The following MAN1A1 variants were observed in gnomAD, a reference collection of about 807,000 sequenced individuals.
MAN1A1 encodes the protein mannosidase alpha class 1A member 1, also known as mannosyl-oligosaccharide 1,2-alpha-mannosidase IA.
Under a neutral mutation model 70.8 loss-of-function variants are expected in MAN1A1, and 29 were observed. The observed-to-expected ratio is 0.41, with a 90% CI of 0.31 to 0.56. MAN1A1 has a LOEUF of 0.56. Ranked by LOEUF, MAN1A1 falls within the 20% of genes least tolerant of loss-of-function variation. The pLI is 0.29. For missense variants in MAN1A1, 747 were observed against 841.3 expected (o/e 0.89, Z 1.39); for synonymous variants, 349 against 330.1 (o/e 1.06, Z -0.62).
chr6:119,200,484 T>C (rs1386054210), intron 8 of MAN1A1, among the ~76,000 whole-genome samples: 4 of 152,186 alleles, frequency 2.6e-5, no homozygotes, highest in African/African-American at 9.7e-5. Flanking sequence ...AAGAACATGA[T>C]ATTAAAATAT....
intron 6 of MAN1A1, among the ~76,000 whole-genome samples, chr6:119,247,093 A>G (rs1582732813): frequency 2.6e-5 from 4 of 152,308 alleles, no homozygotes; most frequent in Middle Eastern, 3.4e-3. Context: ...TTAAAGGAAA[A>G]ATAAAATAAA....
At chr6:119,258,856 GAGTTTTCCATT>G (rs1300655520) in intron 5 of MAN1A1, among the ~76,000 whole-genome samples, 1 of 152,086 alleles carries the variant, frequency 6.6e-6, no homozygotes, top group African/African-American at 2.4e-5. Flanking sequence ...CTAGGTGATG[GAGTTTTCCATT>G]ATCACTTGAA....
chr6:119,190,210 G>C (rs531566160), intron 9 of MAN1A1, among the ~76,000 whole-genome samples: 1 of 152,294 alleles, frequency 6.6e-6, no homozygotes, highest in East Asian at 1.9e-4. Context: ...TAGTTGGTTT[G>C]GTACATTTTC....
At chr6:119,180,484 A>T in intron 11 of MAN1A1, 57 bp from the exon 12 acceptor site, 1 of 890,940 alleles carries the variant, frequency 1.1e-6, no homozygotes, top group Non-Finnish European at 1.8e-6. Flanking sequence ...ATTGTCACTA[A>T]TTTTTATTAT....
At position 119,302,897 on chromosome 6, in the gene MAN1A1, C is replaced by G. The variant is rs1238537590; in HGVS notation, c.701-794G>C. On this transcript the variant is annotated intron_variant, in intron 3 of 12. Coordinates refer to ENST00000368468, the MANE Select transcript of MAN1A1 (RefSeq NM_005907.4). ...GATGCTAACTACCCTCCATCCCCTA[C>G]AAGTCCTGACCTCTGTGGTTTATTT... Among the ~76,000 whole-genome samples, 5 of 152,356 alleles carry G rather than the reference C, an allele frequency of 3.3e-5. No homozygotes were observed. The East Asian group carries it at 9.6e-4, about 29-fold the overall frequency.
intron 5 of MAN1A1, among the ~76,000 whole-genome samples, chr6:119,261,711 T>C (rs190508255): frequency 1.3e-5 from 2 of 152,282 alleles, no homozygotes; most frequent in South Asian, 2.1e-4. Flanking sequence ...AGAAAGTTCA[T>C]GGAAGTGTTT....
intron 2 of MAN1A1, among the ~76,000 whole-genome samples, chr6:119,319,914 C>T (rs1289758378): frequency 3.3e-5 from 5 of 151,802 alleles, no homozygotes; most frequent in Non-Finnish European, 5.9e-5. Flanking sequence ...TGCAGATATG[C>T]TGTCGCAGTG....
intron 6 of MAN1A1, among the ~76,000 whole-genome samples, chr6:119,225,145 A>AT (rs1240406353): frequency 6.6e-6 from 1 of 152,134 alleles, no homozygotes; most frequent in East Asian, 1.9e-4. Context: ...CTCTGTCTCA[A>AT]TAAAAAAAAA....
intron 8 of MAN1A1, among the ~76,000 whole-genome samples, chr6:119,200,990 A>G (rs971051348): frequency 6.6e-6 from 1 of 152,120 alleles, no homozygotes; most frequent in Non-Finnish European, 1.5e-5. Context: ...ACATCCCCAC[A>G]CTACTCTGGC....
At chr6:119,333,665 A>C (rs1488019711) in intron 2 of MAN1A1, among the ~76,000 whole-genome samples, 1 of 152,262 alleles carries the variant, frequency 6.6e-6, no homozygotes, top group Non-Finnish European at 1.5e-5. Context: ...CTATTACCAG[A>C]TCAGTCAAAA....
chr6:119,306,330 C>T (rs1772523630), intron 3 of MAN1A1, among the ~76,000 whole-genome samples: 1 of 152,088 alleles, frequency 6.6e-6, no homozygotes, highest in Admixed American at 6.6e-5. Context: ...TTATTAATAC[C>T]CACACTACCA....
chr6:119,191,160 T>C (rs1218772456), intron 9 of MAN1A1, among the ~76,000 whole-genome samples: 1 of 152,194 alleles, frequency 6.6e-6, no homozygotes, highest in Non-Finnish European at 1.5e-5. Context: ...ATGTTATTGA[T>C]GGTTTAGTTA....
intron 4 of MAN1A1, among the ~76,000 whole-genome samples, chr6:119,301,222 A>C (rs902471786): frequency 2.6e-5 from 4 of 152,232 alleles, no homozygotes; most frequent in African/African-American, 9.6e-5. Flanking sequence ...GAACGACTAA[A>C]AACTTCCATG....
At position 119,306,909 on chromosome 6, in the gene MAN1A1, T is replaced by C; in HGVS notation, c.687A>G (p.Ser229=). ...ELKPISKGGH[S]SSLFGNIKGA... ...ACATCTACTCACCAAACAAACTGCT[T>C]GAATGGCCTCCTTTTGATATAGGTT... is the stretch of plus-strand genomic sequence containing the variant. Residue 229 remains serine, a synonymous_variant, in exon 3 of 13, where the codon TCA becomes TCG. Transcript: ENST00000368468. The C allele has an allele frequency of 6.3e-7, 1 of 1,586,148 alleles. No individual in the cohort carries two copies. The highest frequency in any genetic ancestry group is 8.7e-7 in the Non-Finnish European group (1 of 1,154,960).
In MAN1A1 at chr6:119,348,796, G is replaced by A. The variant is rs1040239021; in HGVS notation, c.270C>T (p.Pro90=). ...LQPAADHKPG[P]GARAEDAAEG... ...CGGCCGCGTCCTCGGCGCGCGCCCCGGGCCCGGGCTTGTGGTCGGCGGCCG... is the reference window on the plus strand; with the variant it reads ...CGGCCGCGTCCTCGGCGCGCGCCCCAGGCCCGGGCTTGTGGTCGGCGGCCG... The change falls in exon 2 of 13, where the codon CCC becomes CCT. Residue 90 remains proline (P), a synonymous_variant. Coordinates refer to ENST00000368468, the MANE Select transcript of MAN1A1 (RefSeq NM_005907.4). The A allele has an allele frequency of 4.2e-6, 6 of 1,425,850 alleles. No homozygotes were observed. Among genetic ancestry groups the A allele is most frequent in the African/African-American group, 3.0e-5 (2 of 67,548 alleles). 88.3% of individuals were successfully genotyped at this position (1,425,850 alleles called of 1,614,324 possible).
chr6:119,244,832 G>A (rs890219492), intron 6 of MAN1A1, among the ~76,000 whole-genome samples: 2 of 152,150 alleles, frequency 1.3e-5, no homozygotes, highest in African/African-American at 4.8e-5. Context: ...CAGGCTGTGA[G>A]TCCCCTGAGG....
chr6:119,230,577 A>G (rs1294466376), intron 6 of MAN1A1, among the ~76,000 whole-genome samples: 1 of 152,210 alleles, frequency 6.6e-6, no homozygotes, highest in Non-Finnish European at 1.5e-5. Flanking sequence ...TCCCAGCTCA[A>G]AAATGACTTC....
chr6:119,229,868 G>A (rs1260735062), intron 6 of MAN1A1, among the ~76,000 whole-genome samples: 2 of 152,160 alleles, frequency 1.3e-5, no homozygotes, highest in African/African-American at 2.4e-5. Flanking sequence ...CATTTTACAC[G>A]ACATTCTCTT....
At chr6:119,331,702 G>T (rs532497678) in intron 2 of MAN1A1, among the ~76,000 whole-genome samples, 2 of 151,578 alleles carry the variant, frequency 1.3e-5, no homozygotes, top group South Asian at 4.2e-4. Flanking sequence ...ACTGAGCATT[G>T]GTGTTGCTTT....
Sources: allele counts gnomAD v4.1 joint callset (sites outside exome capture counted in the v4.1 genomes callset), GRCh38; gene constraint gnomAD v4.1.1; transcripts MANE v1.5; gene names NCBI Gene and HGNC (gene_info 2026-07-23, HGNC 2026-07-21).